KCNQ1: variants seen among roughly 807,000 people sequenced by gnomAD.
KCNQ1 encodes the protein potassium voltage-gated channel subfamily Q member 1.
Under a neutral mutation model 72.4 loss-of-function variants are expected in KCNQ1, and 49 were observed. The ratio of observed to expected loss-of-function variants is 0.68; its 90% CI spans 0.54 to 0.86. KCNQ1 has a LOEUF of 0.86. Among genes scored for constraint, KCNQ1 ranks in the 40% least tolerant of loss-of-function variants. The pLI, the probability that KCNQ1 is intolerant of heterozygous loss-of-function variation, is 0.00. For synonymous variants in KCNQ1, 450 were observed against 412.6 expected, an observed-to-expected ratio of 1.09 and a Z score of -1.10; for missense variants, 790 against 945.1, an observed-to-expected ratio of 0.84 and a Z score of 2.15.
intron 11 of KCNQ1, among the ~76,000 whole-genome samples, chr11:2,717,379 C>A (rs961994185): frequency 2.0e-5 from 3 of 152,194 alleles, no homozygotes; most frequent in African/African-American, 7.2e-5. Flanking sequence ...GCACAGTATG[C>A]CAATGTTCCC....
rs1029991140 is a variant in KCNQ1, at chr11:2,653,022, C to G, written c.1394-8939C>G. 1 of 398,544 alleles carries G rather than the reference C, an allele frequency of 2.5e-6. No individual in the cohort carries two copies. The highest frequency in any genetic ancestry group is 1.3e-4 in the South Asian group (1 of 7,868). The allele number at this position is 398,544 out of a possible 1,614,324, so 24.7% of individuals were successfully genotyped here. A position where few individuals can be genotyped will look rare whatever the true frequency, so the allele number is the denominator to read the frequency against. The stretch of plus-strand genomic sequence containing the variant: ...GCTTGAGGCAAATCTATTCTGCACA[C>G]CTTTGATCCAATGTGAGATCCAACA... On this transcript the variant is annotated intron_variant, in intron 10 of 15. Coordinates refer to ENST00000155840, the MANE Select transcript of KCNQ1 (RefSeq NM_000218.3). This position sits in a 1 kb window ranked among gnomAD's most constrained non-coding sequence, Gnocchi z 5.3.
At chr11:2,560,250 G>A (rs146770373) in intron 2 of KCNQ1, among the ~76,000 whole-genome samples, 609 of 43,796 alleles carry the variant, frequency 0.014, 55 homozygotes, top group African/African-American at 0.063. Flanking sequence ...GGGGGGTGAC[G>A]TCCATCCTGG....
In KCNQ1 at chr11:2,663,565, C is replaced by T; in HGVS notation, c.1514+1484C>T. 1 of 398,670 alleles carries T rather than the reference C, an allele frequency of 2.5e-6. No homozygotes were observed. Among genetic ancestry groups the T allele is most frequent in the Non-Finnish European group, 4.4e-6 (1 of 226,100 alleles). The allele number at this position is 398,670 out of a possible 1,614,324, so 24.7% of individuals were successfully genotyped here. The stretch of plus-strand genomic sequence containing the variant: ...CTGTCCCTTCTCATCCTTCTGGCTG[C>T]TTGCTTCTCCTGTTGGAGCTCTCGC... On this transcript the variant is annotated intron_variant, in intron 11 of 15. Coordinates refer to ENST00000155840, the MANE Select transcript of KCNQ1 (RefSeq NM_000218.3). This position sits in a 1 kb window ranked among gnomAD's most constrained non-coding sequence, Gnocchi z 5.2.
In KCNQ1 at chr11:2,768,606, G is replaced by C. The variant is rs916798323; in HGVS notation, c.1515-238G>C. On this transcript the variant is annotated intron_variant, in intron 11 of 15. Transcript: ENST00000155840. This position sits in a 1 kb window ranked among gnomAD's most constrained non-coding sequence, Gnocchi z 6.7. Reference sequence around the variant, plus strand: ...CCTTCTGAATGACACTCAAGGTAAGGGTCCCCTTCCCACTCACAGATGAGG... The same window carrying C: ...CCTTCTGAATGACACTCAAGGTAAGCGTCCCCTTCCCACTCACAGATGAGG... 6.6e-6 allele frequency among the ~76,000 whole-genome samples: 1 copy of C among 152,146 alleles called. No homozygotes were observed. Among genetic ancestry groups the C allele is most frequent in the African/African-American group, 2.4e-5 (1 of 41,410 alleles).
At chr11:2,718,353 C>G (rs1192636781) in intron 11 of KCNQ1, among the ~76,000 whole-genome samples, 1 of 152,218 alleles carries the variant, frequency 6.6e-6, no homozygotes, top group Non-Finnish European at 1.5e-5. Context: ...CTGGCTGACC[C>G]CCTCCTCACC....
rs1477853373 is a variant in KCNQ1, at chr11:2,769,972, G to C, written c.1590+1053G>C. ...CCTGGAGCCACTGAGCTCCCTGCTA[G>C]GGTCTGGTCAGGGCTTATGGGGGCC... On this transcript the variant is annotated intron_variant, in intron 12 of 15. Transcript: ENST00000155840. The surrounding 1 kb of genome is among the most constrained non-coding windows in gnomAD (Gnocchi z 4.6). 6.6e-6 allele frequency among the ~76,000 whole-genome samples: 1 copy of C among 152,062 alleles called. No homozygotes were observed. Among genetic ancestry groups the C allele is most frequent in the African/African-American group, 2.4e-5 (1 of 41,408 alleles).
In KCNQ1 at chr11:2,587,823, C is replaced by T. The variant is rs569793475; in HGVS notation, c.1251+131C>T. Reference sequence around the variant, plus strand: ...ACAGCCTGTGTCAGGGAGTCAGCATCGTTCGGGACACTGGGCCATACACCC... The same window carrying T: ...ACAGCCTGTGTCAGGGAGTCAGCATTGTTCGGGACACTGGGCCATACACCC... On this transcript the variant is annotated intron_variant, in intron 9 of 15. Transcript: ENST00000155840. The T allele has an allele frequency of 3.6e-5, 47 of 1,293,994 alleles. 2 individuals are homozygous for T. The South Asian group carries it at 4.6e-4, about 13-fold the overall frequency. 80.2% of individuals were successfully genotyped at this position (1,293,994 alleles called of 1,614,324 possible). A position where few individuals can be genotyped will look rare whatever the true frequency, so the allele number is the denominator to read the frequency against.
rs4930129 is a variant in KCNQ1, at chr11:2,598,160, A to C, written c.1393+9306A>C. The stretch of plus-strand genomic sequence containing the variant: ...TCATTTATTTGAAGTTCTTCTACTA[A>C]AGGCATTTTTAAAGGCTATAAATTT... On this transcript the variant is annotated intron_variant, in intron 10 of 15. Transcript: ENST00000155840. The surrounding 1 kb of genome is among the most constrained non-coding windows in gnomAD (Gnocchi z 6.2). Among the ~76,000 whole-genome samples, 29,910 of 152,088 alleles carry C rather than the reference A, an allele frequency of 0.2. 3,903 individuals are homozygous for C. The highest frequency in any genetic ancestry group is 0.34 in the African/African-American group (14,054 of 41,476).
intron 10 of KCNQ1, chr11:2,631,821 G>C: frequency 2.5e-6 from 1 of 398,558 alleles, no homozygotes; most frequent in Middle Eastern, 6.3e-4. Context: ...TGAGTGTCCT[G>C]ATGCTGTCGT....
At chr11:2,754,612 G>A (rs754846338) in intron 11 of KCNQ1, among the ~76,000 whole-genome samples, 1 of 152,330 alleles carries the variant, frequency 6.6e-6, no homozygotes, top group South Asian at 2.1e-4. Context: ...GACCAAGGAG[G>A]TGTTGCAGGT....
At chr11:2,839,848 G>A (rs1469741409) in intron 15 of KCNQ1, 1 of 152,216 alleles carries the variant, frequency 6.6e-6, no homozygotes, top group Non-Finnish European at 1.5e-5. Flanking sequence ...GCCACTCCCC[G>A]ACTGGATGCC....
intron 15 of KCNQ1, among the ~76,000 whole-genome samples, chr11:2,780,355 C>T (rs556519641): frequency 1.3e-5 from 2 of 152,226 alleles, no homozygotes; most frequent in Non-Finnish European, 2.9e-5. Context: ...GTAAATACCC[C>T]AAGCGCAATC....
intron 11 of KCNQ1, among the ~76,000 whole-genome samples, chr11:2,747,901 TG>T (rs1433028291): frequency 1.3e-5 from 2 of 151,898 alleles, no homozygotes; most frequent in African/African-American, 4.8e-5. Flanking sequence ...CTTTACCAGA[TG>T]GGGAGCGATA....
chr11:2,652,604 C>T lies in KCNQ1; in HGVS notation c.1394-9357C>T, dbSNP rs2133844653. On this transcript the variant is annotated intron_variant, in intron 10 of 15. Transcript: ENST00000155840. The surrounding 1 kb of genome is among the most constrained non-coding windows in gnomAD (Gnocchi z 5.9). Reference sequence around the variant, plus strand: ...GCTGCTCTTGCTGCCTGGAACCTTCCCCTGAAAATGTGTCTTGGGAGACCT... The same window carrying T: ...GCTGCTCTTGCTGCCTGGAACCTTCTCCTGAAAATGTGTCTTGGGAGACCT... 1 of 398,572 alleles carries T rather than the reference C, an allele frequency of 2.5e-6. No homozygotes were observed. The highest frequency in any genetic ancestry group is 4.4e-6 in the Non-Finnish European group (1 of 226,082). 24.7% of individuals were successfully genotyped at this position (398,572 alleles called of 1,614,324 possible).
At chr11:2,820,899 C>T (rs138856815) in intron 15 of KCNQ1, among the ~76,000 whole-genome samples, 13 of 152,356 alleles carry the variant, frequency 8.5e-5, no homozygotes, top group African/African-American at 4.8e-5. Context: ...CCTGACAGAG[C>T]TGTCAAGGGG....
At chr11:2,548,502 A>G (rs997804711) in intron 2 of KCNQ1, among the ~76,000 whole-genome samples, 2 of 152,226 alleles carry the variant, frequency 1.3e-5, no homozygotes, top group Non-Finnish European at 2.9e-5. Flanking sequence ...TCCCTTTCTC[A>G]GCCTTGTAGG....
Position 2,839,554 on chromosome 11 carries a change from C to T in KCNQ1, c.1795-8213C>T, listed in dbSNP as rs77441018. Among the ~76,000 whole-genome samples the T allele has an allele frequency of 4.9e-4, 74 of 152,122 alleles. No homozygotes were observed. The East Asian group carries it at 0.013, about 26-fold the overall frequency. ...CACATAGACCCCCTGGGGGCTATGA[C>T]GAGGTGAGGGCTGAGCCGAGGGAGA... On this transcript the variant is annotated intron_variant, in intron 15 of 15. Transcript: ENST00000155840.
Position 2,768,823 on chromosome 11 carries a change from C to T in KCNQ1, c.1515-21C>T. The T allele has an allele frequency of 1.2e-6, 2 of 1,607,902 alleles. No individual in the cohort carries two copies. Among genetic ancestry groups the T allele is most frequent in the South Asian group, 1.1e-5 (1 of 90,962 alleles). ...AGCACAGGGTGGCCACTCACAATCT[C>T]CTCTCCTCTCTCCACTGCAGGCTGC... On this transcript the variant is annotated intron_variant, in intron 11 of 15. Coordinates refer to ENST00000155840, the MANE Select transcript of KCNQ1 (RefSeq NM_000218.3). This position sits in a 1 kb window ranked among gnomAD's most constrained non-coding sequence, Gnocchi z 6.7.
chr11:2,596,863 T>G (rs181649880), intron 10 of KCNQ1, among the ~76,000 whole-genome samples: 2 of 151,526 alleles, frequency 1.3e-5, no homozygotes, highest in South Asian at 4.1e-4. Flanking sequence ...TCAATAAAAC[T>G]GTTTATAATA....
Sources: gnomAD v4.1 joint callset for allele counts (sites outside exome capture counted in the v4.1 genomes callset) on GRCh38, gnomAD v4.1.1 for gene constraint, Gnocchi (gnomAD v3.1) non-coding constraint, MANE v1.5 for transcripts, NCBI Gene and HGNC (gene_info 2026-07-23, HGNC 2026-07-21) for gene names.